MYMX: variants seen among roughly 807,000 people sequenced by gnomAD.
The protein encoded by MYMX is protein myomixer.
the MYMX span, among the ~76,000 whole-genome samples, chr6:44,211,788 T>TTGTGTGTTTGTGTGTGTGTG: frequency 7.9e-6 from 1 of 126,382 alleles, no homozygotes; most frequent in Non-Finnish European, 1.6e-5. Flanking sequence ...CAGCTAGGTT[T>TTGTGTGTTTGTGTGTGTGTG]TGTGTGTGTG....
the MYMX span, among the ~76,000 whole-genome samples, chr6:44,204,137 C>T: frequency 8.5e-5 from 13 of 152,304 alleles, no homozygotes; most frequent in Middle Eastern, 3.4e-3. Context: ...GAGTGAGTCA[C>T]TGCGCCTGGT....
At chr6:44,205,580 G>A in the MYMX span, among the ~76,000 whole-genome samples, 1 of 152,216 alleles carries the variant, frequency 6.6e-6, no homozygotes, top group Admixed American at 6.5e-5. Context: ...AGAGGCCAAG[G>A]TGGGTGGATC....
At chr6:44,202,385 C>T in the MYMX span, among the ~76,000 whole-genome samples, 2 of 151,992 alleles carry the variant, frequency 1.3e-5, no homozygotes, top group Non-Finnish European at 2.9e-5. Context: ...CCACTTAGTG[C>T]CAGCCCACAG....
At chr6:44,206,663 G>T in the MYMX span, among the ~76,000 whole-genome samples, 24 of 152,158 alleles carry the variant, frequency 1.6e-4, no homozygotes. Context: ...GCCTCCTGGG[G>T]ATAGTCATTT....
chr6:44,193,893 A>G, the MYMX span, among the ~76,000 whole-genome samples: 1 of 152,180 alleles, frequency 6.6e-6, no homozygotes. Flanking sequence ...CTGAGGCAAG[A>G]GAATCACTTG....
At chr6:44,196,055 G>C in the MYMX span, among the ~76,000 whole-genome samples, 2 of 152,020 alleles carry the variant, frequency 1.3e-5, no homozygotes, top group Admixed American at 1.3e-4. Flanking sequence ...CGATTCCCCT[G>C]CCTCAGCCTC....
chr6:44,217,768 C>A lies in MYMX; in HGVS notation c.*42C>A. 1 of 400,966 alleles carries A rather than the reference C, an allele frequency of 2.5e-6. No individual in the cohort carries two copies. Among genetic ancestry groups the A allele is most frequent in the Non-Finnish European group, 4.4e-6 (1 of 226,382 alleles). 24.8% of individuals were successfully genotyped at this position (400,966 alleles called of 1,614,324 possible). A position where few individuals can be genotyped will look rare whatever the true frequency, so the allele number is the denominator to read the frequency against. ...AGCAGCTGTATCCACAAAATGCTTT[C>A]TTTTGGAGTAGGATAATCCTGGCAC... On this transcript the variant is annotated 3_prime_UTR_variant, in exon 2 of 2. Coordinates refer to ENST00000573382, the MANE Select transcript of MYMX (RefSeq NM_001315494.2).
the MYMX span, among the ~76,000 whole-genome samples, chr6:44,204,341 G>C: frequency 7.9e-5 from 12 of 152,176 alleles, no homozygotes; most frequent in East Asian, 2.3e-3. Flanking sequence ...ATTTGAAGGA[G>C]GTCACAGATG....
chr6:44,212,440 A>AAAT (rs1775641294), upstream of MYMX, among the ~76,000 whole-genome samples: 2 of 151,716 alleles, frequency 1.3e-5, no homozygotes, highest in Non-Finnish European at 2.9e-5. Flanking sequence ...ATAAATAAAA[A>AAAT]TTTTAAAAAA....
chr6:44,201,032 C>T, the MYMX span, among the ~76,000 whole-genome samples: 1 of 152,084 alleles, frequency 6.6e-6, no homozygotes, highest in African/African-American at 2.4e-5. Flanking sequence ...ACTCCCTGGC[C>T]CATTTTGCTC....
At chr6:44,194,149 A>G in the MYMX span, among the ~76,000 whole-genome samples, 1 of 152,250 alleles carries the variant, frequency 6.6e-6, no homozygotes, top group Admixed American at 6.5e-5. Context: ...CAGGTGAACT[A>G]AACACAGAGA....
the MYMX span, among the ~76,000 whole-genome samples, chr6:44,194,350 C>A: frequency 6.6e-6 from 1 of 152,296 alleles, no homozygotes; most frequent in South Asian, 2.1e-4. Context: ...AATAGGCTAG[C>A]CTGGGCAGGG....
chr6:44,198,287 C>T, the MYMX span, among the ~76,000 whole-genome samples: 147 of 149,672 alleles, frequency 9.8e-4, 2 homozygotes, highest in East Asian at 0.022. Context: ...CTCAGCCTCC[C>T]GAGTAGCTGG....
At chr6:44,203,673 G>A in the MYMX span, among the ~76,000 whole-genome samples, 1 of 152,090 alleles carries the variant, frequency 6.6e-6, no homozygotes, top group Non-Finnish European at 1.5e-5. Flanking sequence ...CAGTTTTTGT[G>A]TGACTCAGTT....
At chr6:44,206,226 A>AT in the MYMX span, among the ~76,000 whole-genome samples, 2 of 151,446 alleles carry the variant, frequency 1.3e-5, no homozygotes, top group African/African-American at 4.9e-5. Context: ...TTATTTACTT[A>AT]TTTTTTATTT....
At chr6:44,211,400 T>C in the MYMX span, among the ~76,000 whole-genome samples, 1 of 152,044 alleles carries the variant, frequency 6.6e-6, no homozygotes, top group South Asian at 2.1e-4. Context: ...AAGGAAAATA[T>C]TAATTTTGTC....
the MYMX span, among the ~76,000 whole-genome samples, chr6:44,193,740 T>A: frequency 6.6e-6 from 1 of 152,224 alleles, no homozygotes; most frequent in Non-Finnish European, 1.5e-5. Flanking sequence ...CCCAGCACTT[T>A]GGGAGGCCAA....
the MYMX span, among the ~76,000 whole-genome samples, chr6:44,194,463 C>T: frequency 3.2e-4 from 49 of 152,304 alleles, no homozygotes; most frequent in Non-Finnish European, 5.3e-4. Context: ...GCTGCACTCC[C>T]AGGATTGCCA....
At chr6:44,215,994 A>G (rs146507567), upstream of MYMX, among the ~76,000 whole-genome samples, 1,210 of 152,380 alleles carry the variant, frequency 7.9e-3, 10 homozygotes, top group African/African-American at 0.027. Context: ...AATTTCATTT[A>G]ATCTGAGGGA....
Sources: allele counts gnomAD v4.1 joint callset (sites outside exome capture counted in the v4.1 genomes callset), GRCh38; gene constraint gnomAD v4.1.1; transcripts MANE v1.5; gene names NCBI Gene and HGNC (gene_info 2026-07-23, HGNC 2026-07-21).